The following GLRA3 variants were observed in gnomAD, a reference collection of about 807,000 sequenced individuals.
GLRA3 encodes the protein glycine receptor subunit alpha-3.
A neutral mutation model predicts 60.4 loss-of-function variants in GLRA3; 44 were observed. The ratio of observed to expected loss-of-function variants is 0.73; its 90% CI spans 0.57 to 0.94. GLRA3 has a LOEUF of 0.94. GLRA3 is among the 40% of genes least tolerant of loss of function. The pLI, the probability that GLRA3 is intolerant of heterozygous loss-of-function variation, is 0.00. For synonymous variants in GLRA3, 223 were observed against 192.9 expected, an observed-to-expected ratio of 1.16 and a Z score of -1.29; for missense variants, 508 against 564.6, an observed-to-expected ratio of 0.90 and a Z score of 1.02.
At chr4:174,685,117 A>G (rs1734504348) in intron 5 of GLRA3, among the ~76,000 whole-genome samples, 1 of 152,208 alleles carries the variant, frequency 6.6e-6, no homozygotes, top group Non-Finnish European at 1.5e-5. Context: ...ACAAGCTTGT[A>G]TTGTAGAGAA....
At chr4:174,709,635 G>A (rs561651362) in intron 5 of GLRA3, among the ~76,000 whole-genome samples, 3 of 152,038 alleles carry the variant, frequency 2.0e-5, no homozygotes, top group Non-Finnish European at 4.4e-5. Flanking sequence ...ACAGTATGTT[G>A]AACTTCTGGC....
At chr4:174,662,903 C>A (rs1454197261) in intron 7 of GLRA3, among the ~76,000 whole-genome samples, 1 of 150,278 alleles carries the variant, frequency 6.7e-6, no homozygotes, top group Non-Finnish European at 1.5e-5. Flanking sequence ...GTTTTGGTCA[C>A]CATCACATCA....
At chr4:174,707,637 A>G (rs1183372957) in intron 5 of GLRA3, among the ~76,000 whole-genome samples, 1 of 152,236 alleles carries the variant, frequency 6.6e-6, no homozygotes, top group Non-Finnish European at 1.5e-5. Context: ...ATATGAGAAA[A>G]CGAATGAAAT....
intron 2 of GLRA3, among the ~76,000 whole-genome samples, 194 bp from the exon 3 acceptor site, chr4:174,767,224 AC>A: frequency 6.6e-6 from 1 of 152,046 alleles, no homozygotes; most frequent in East Asian, 1.9e-4. Context: ...TTCACAAGGA[AC>A]ACTGATGCTG....
At chr4:174,770,306 C>A (rs1019717532) in intron 2 of GLRA3, among the ~76,000 whole-genome samples, 9 of 151,954 alleles carry the variant, frequency 5.9e-5, no homozygotes, top group Admixed American at 1.3e-4. Context: ...GGCATGCAAC[C>A]AAGGCATCAG....
At chr4:174,765,754 G>A (rs1339160044) in intron 3 of GLRA3, among the ~76,000 whole-genome samples, 4 of 151,912 alleles carry the variant, frequency 2.6e-5, no homozygotes, top group Non-Finnish European at 4.4e-5. Flanking sequence ...TCTTCTCTGC[G>A]TTTACATTCA....
intron 5 of GLRA3, among the ~76,000 whole-genome samples, chr4:174,687,110 C>T (rs536488196): frequency 6.6e-6 from 1 of 152,124 alleles, no homozygotes; most frequent in Non-Finnish European, 1.5e-5. Flanking sequence ...GGTAAAACTT[C>T]TAGTGCTTTA....
chr4:174,642,349 C>A lies in GLRA3; in HGVS notation c.*1437G>T. On this transcript the variant is annotated 3_prime_UTR_variant, in exon 10 of 10. Transcript: ENST00000274093. ...TTGTTTTCTTAATCTTTAAAGTTTT[C>A]TCTGTGAATAATTTGGTGGACTGAG... The A allele has an allele frequency of 1.0e-6, 1 of 976,324 alleles. No individual in the cohort carries two copies. Among genetic ancestry groups the A allele is most frequent in the South Asian group, 4.7e-5 (1 of 21,068 alleles). The allele number at this position is 976,324 out of a possible 1,614,324, so 60.5% of individuals were successfully genotyped here. A position where few individuals can be genotyped will look rare whatever the true frequency, so the allele number is the denominator to read the frequency against.
At chr4:174,790,259 C>A (rs991430183) in intron 1 of GLRA3, among the ~76,000 whole-genome samples, 1 of 151,976 alleles carries the variant, frequency 6.6e-6, no homozygotes, top group African/African-American at 2.4e-5. Context: ...GTTTTTTCTC[C>A]CTATTCTGTT....
chr4:174,724,395 A>G (rs1232949260), intron 4 of GLRA3, among the ~76,000 whole-genome samples: 2 of 152,138 alleles, frequency 1.3e-5, no homozygotes, highest in Non-Finnish European at 2.9e-5. Flanking sequence ...CCCAGTTAAC[A>G]TCAAGTCATG....
chr4:174,775,693 T>G (rs1738569995), intron 2 of GLRA3, among the ~76,000 whole-genome samples: 1 of 152,186 alleles, frequency 6.6e-6, no homozygotes, highest in Non-Finnish European at 1.5e-5. Context: ...AAATAATGTT[T>G]TGTTGTCTTA....
At chr4:174,644,562 C>CCTCAG (rs1732746115) in intron 9 of GLRA3, among the ~76,000 whole-genome samples, 2 of 151,982 alleles carry the variant, frequency 1.3e-5, no homozygotes, top group Admixed American at 6.6e-5. Flanking sequence ...CAGTCTAGTT[C>CCTCAG]AATAATACTG....
At chr4:174,701,651 T>A (rs142381367) in intron 5 of GLRA3, among the ~76,000 whole-genome samples, 1 of 152,212 alleles carries the variant, frequency 6.6e-6, no homozygotes, top group Non-Finnish European at 1.5e-5. Flanking sequence ...CACTATTCTA[T>A]AATGACGCCA....
chr4:174,715,571 C>A lies in GLRA3; in HGVS notation c.492-1G>T. 7.1e-7 allele frequency: 1 copy of A among 1,398,928 alleles called. No individual in the cohort carries two copies. Among genetic ancestry groups the A allele is most frequent in the Admixed American group, 1.8e-5 (1 of 56,684 alleles). 86.7% of individuals were successfully genotyped at this position (1,398,928 alleles called of 1,614,324 possible). On this transcript the variant is annotated splice_acceptor_variant, in intron 4 of 9. Transcript: ENST00000274093. LOFTEE classifies it high-confidence loss of function. ...TGGACAGGAAAGTGTTAATGTTAAT[C>A]TGAAAGTCAAAGTAATTATTTTTAA...
At chr4:174,760,621 A>G (rs996337663) in intron 3 of GLRA3, among the ~76,000 whole-genome samples, 6 of 152,142 alleles carry the variant, frequency 3.9e-5, no homozygotes, top group African/African-American at 1.4e-4. Context: ...CCTGGGTTCA[A>G]GCAATTCTCC....
chr4:174,778,141 A>G (rs1738682800), intron 2 of GLRA3, among the ~76,000 whole-genome samples: 1 of 152,066 alleles, frequency 6.6e-6, no homozygotes, highest in Non-Finnish European at 1.5e-5. Context: ...ATCGTTAGGC[A>G]GTGCCTCCCA....
At chr4:174,807,962 G>C (rs1740115270) in intron 1 of GLRA3, among the ~76,000 whole-genome samples, 1 of 152,132 alleles carries the variant, frequency 6.6e-6, no homozygotes, top group Non-Finnish European at 1.5e-5. Context: ...TTAGAAAGTA[G>C]TGATGTGATT....
chr4:174,679,459 T>C (rs920271840), intron 6 of GLRA3, among the ~76,000 whole-genome samples: 1 of 152,164 alleles, frequency 6.6e-6, no homozygotes, highest in Non-Finnish European at 1.5e-5. Flanking sequence ...GGTGGGAATA[T>C]AGATTAGTCC....
At chr4:174,788,166 T>A (rs1262988008) in intron 2 of GLRA3, among the ~76,000 whole-genome samples, 1 of 152,066 alleles carries the variant, frequency 6.6e-6, no homozygotes, top group African/African-American at 2.4e-5. Flanking sequence ...ACCATTAAAG[T>A]GAAATTACAG....
Sources: allele counts gnomAD v4.1 joint callset (sites outside exome capture counted in the v4.1 genomes callset), GRCh38; gene constraint gnomAD v4.1.1; transcripts MANE v1.5; gene names NCBI Gene and HGNC (gene_info 2026-07-23, HGNC 2026-07-21).